Variants in PABPC4L observed in about 807,000 individuals in gnomAD.
The protein encoded by PABPC4L is polyadenylate-binding protein 4-like.
For synonymous variants in PABPC4L, 169 were observed against 164.1 expected (o/e 1.03, Z -0.23); for missense variants, 452 against 451.4 (o/e 1.00, Z -0.01).
chr4:134,127,268 G>A, the PABPC4L span, among the ~76,000 whole-genome samples: 1 of 151,866 alleles, frequency 6.6e-6, no homozygotes, highest in East Asian at 1.9e-4. Flanking sequence ...CTGACCCTAG[G>A]GCAAGCTTGT....
the PABPC4L span, among the ~76,000 whole-genome samples, chr4:134,134,233 C>A: frequency 6.6e-6 from 1 of 151,972 alleles, no homozygotes; most frequent in African/African-American, 2.4e-5. Flanking sequence ...TCATTCTTAG[C>A]TGTTGAAGCC....
At chr4:134,007,730 A>C in the PABPC4L span, among the ~76,000 whole-genome samples, 1 of 151,738 alleles carries the variant, frequency 6.6e-6, no homozygotes, top group South Asian at 2.1e-4. Context: ...ACTTTATAGC[A>C]TTTTTAAAAA....
chr4:134,074,268 A>G, the PABPC4L span, among the ~76,000 whole-genome samples: 1 of 152,142 alleles, frequency 6.6e-6, no homozygotes, highest in African/African-American at 2.4e-5. Context: ...CAATATGCCA[A>G]TAGTCTCTTT....
the PABPC4L span, among the ~76,000 whole-genome samples, chr4:133,954,522 G>A: frequency 1.7e-4 from 26 of 151,950 alleles, no homozygotes; most frequent in Admixed American, 5.9e-4. Context: ...TTTCTTTGTC[G>A]GTGGTTTAAG....
the PABPC4L span, among the ~76,000 whole-genome samples, chr4:133,952,445 C>A: frequency 6.6e-6 from 1 of 152,006 alleles, no homozygotes; most frequent in Admixed American, 6.6e-5. Flanking sequence ...GATTTATATC[C>A]CTTAGATTTT....
the PABPC4L span, among the ~76,000 whole-genome samples, chr4:134,013,960 C>T: frequency 1.3e-5 from 2 of 152,098 alleles, no homozygotes; most frequent in Non-Finnish European, 2.9e-5. Context: ...CCCACCTGCC[C>T]AGCAATTTAC....
chr4:134,095,794 A>T, the PABPC4L span, among the ~76,000 whole-genome samples: 1 of 151,782 alleles, frequency 6.6e-6, no homozygotes, highest in Non-Finnish European at 1.5e-5. Context: ...AAGGTTTTCC[A>T]TTTGCTCTTT....
chr4:134,167,424 T>TA, the PABPC4L span, among the ~76,000 whole-genome samples: 18 of 151,472 alleles, frequency 1.2e-4, no homozygotes, highest in African/African-American at 4.1e-4. Context: ...ATAATAATAA[T>TA]AATAAATAAA....
the PABPC4L span, among the ~76,000 whole-genome samples, chr4:133,968,929 G>A: frequency 6.6e-6 from 1 of 152,138 alleles, no homozygotes; most frequent in Admixed American, 6.6e-5. Flanking sequence ...GAATGTTTTA[G>A]TTTAAAATGG....
At chr4:134,154,351 G>A in the PABPC4L span, among the ~76,000 whole-genome samples, 1 of 152,106 alleles carries the variant, frequency 6.6e-6, no homozygotes, top group Admixed American at 6.6e-5. Flanking sequence ...AGCTACTTGG[G>A]AGGCTGAGGC....
chr4:134,083,191 T>G, the PABPC4L span, among the ~76,000 whole-genome samples: 1 of 152,318 alleles, frequency 6.6e-6, no homozygotes, highest in Non-Finnish European at 1.5e-5. Context: ...ATATACATTC[T>G]GGATGGTTTA....
chr4:134,077,112 T>C, the PABPC4L span, among the ~76,000 whole-genome samples: 1 of 152,178 alleles, frequency 6.6e-6, no homozygotes, highest in African/African-American at 2.4e-5. Flanking sequence ...TGTGCTTAAA[T>C]TGTATGTTTA....
At chr4:134,011,038 C>T in the PABPC4L span, among the ~76,000 whole-genome samples, 1 of 152,040 alleles carries the variant, frequency 6.6e-6, no homozygotes, top group African/African-American at 2.4e-5. Context: ...TAAAGCTATT[C>T]TTTCAGATAC....
the PABPC4L span, among the ~76,000 whole-genome samples, chr4:134,075,156 C>T: frequency 6.6e-6 from 1 of 152,002 alleles, no homozygotes. Flanking sequence ...AGGAGAAGTT[C>T]AGGGTTTTGA....
At chr4:134,146,830 T>A in the PABPC4L span, among the ~76,000 whole-genome samples, 11 of 152,100 alleles carry the variant, frequency 7.2e-5, no homozygotes, top group Admixed American at 2.6e-4. Flanking sequence ...AAGGAACCAA[T>A]CTAGAGAGAG....
chr4:134,194,350 G>C (rs1729596992), downstream of PABPC4L, among the ~76,000 whole-genome samples: 1 of 151,642 alleles, frequency 6.6e-6, no homozygotes. Context: ...GCCGGGGTGG[G>C]AAGTTTCATT....
the PABPC4L span, among the ~76,000 whole-genome samples, chr4:134,112,569 ACTAT>A: frequency 0.28 from 41,031 of 147,746 alleles, 5,811 homozygotes; most frequent in Middle Eastern, 0.39. Flanking sequence ...GCTCCACGTA[ACTAT>A]CTATCTATCT....
chr4:134,132,602 C>A, the PABPC4L span, among the ~76,000 whole-genome samples: 5 of 151,822 alleles, frequency 3.3e-5, no homozygotes, highest in Admixed American at 3.3e-4. Context: ...AACAGTTTAA[C>A]CCTACTGGTG....
the PABPC4L span, among the ~76,000 whole-genome samples, chr4:134,031,413 G>C: frequency 2.0e-5 from 3 of 151,810 alleles, no homozygotes; most frequent in East Asian, 5.8e-4. Context: ...TTTTCATCTG[G>C]TACCTTGACT....
Sources: allele counts gnomAD v4.1 joint callset (sites outside exome capture counted in the v4.1 genomes callset), GRCh38; gene constraint gnomAD v4.1.1; transcripts MANE v1.5; gene names NCBI Gene and HGNC (gene_info 2026-07-23, HGNC 2026-07-21).